The following CLCN2 variants were observed in gnomAD, a reference collection of about 807,000 sequenced individuals.
The protein encoded by CLCN2 is chloride channel protein 2.
CLCN2 carries 72 observed loss-of-function variants against 108.3 expected under a neutral mutation model. That is an observed-to-expected ratio of 0.66 (90% confidence interval 0.55 to 0.81). CLCN2 has a LOEUF of 0.81. CLCN2 is among the 30% of genes least tolerant of loss of function. The pLI, the probability that CLCN2 is intolerant of heterozygous loss-of-function variation, is 0.00. For missense variants in CLCN2, 1,048 were observed against 1,205.2 expected (o/e 0.87, Z 1.93); for synonymous variants, 471 against 467.1 (o/e 1.01, Z -0.11).
chr3:184,357,214 G>A lies in CLCN2; in HGVS notation c.951C>T (p.Asp317=), dbSNP rs1408569907. ...CAGCAAAGGCTGGCAGCTCCTGCAG[G>A]TCAAAGGGGAAGTCGAGCCGGAATC... ...KTRFRLDFPF[D]LQELPAFAVI... The change falls in exon 9 of 24, where the codon GAC becomes GAT. Residue 317 remains aspartate, a synonymous_variant. Transcript: ENST00000265593. The A allele has an allele frequency of 1.2e-6, 2 of 1,614,014 alleles. No individual in the cohort carries two copies. The highest frequency in any genetic ancestry group is 2.2e-5 in the South Asian group (2 of 91,078).
In CLCN2 at chr3:184,352,013, C is replaced by T; in HGVS notation, c.2415G>A (p.Lys805=). The change falls in exon 22 of 24, where the codon AAG becomes AAA. Residue 805 remains lysine, a splice_region_variant and synonymous_variant. Coordinates refer to ENST00000265593, the MANE Select transcript of CLCN2 (RefSeq NM_004366.6). ...FQLVERTSLH[K]THTIFSLLGV... is the part of the protein sequence containing the mutation. Reference sequence around the variant, plus strand: ...CCCTGGGCCAGGCTGCTGGCCCTACCTTGTGCAAAGAGGTCCGCTCCACCA... The same window carrying T: ...CCCTGGGCCAGGCTGCTGGCCCTACTTTGTGCAAAGAGGTCCGCTCCACCA... 1 of 1,612,476 alleles carries T rather than the reference C, an allele frequency of 6.2e-7. No homozygotes were observed.
At chr3:184,352,607 A>G (rs1406593663) in intron 19 of CLCN2, 111 bp from the exon 20 acceptor site, 3 of 1,440,742 alleles carry the variant, frequency 2.1e-6, no homozygotes, top group Admixed American at 1.8e-5. Context: ...ACAGGACCTG[A>G]GCTGACAGCA....
chr3:184,358,998 C>G lies in CLCN2; in HGVS notation c.197G>C (p.Arg66Pro). The G allele has an allele frequency of 6.2e-7, 1 of 1,613,628 alleles. No homozygotes were observed. Among genetic ancestry groups the G allele is most frequent in the East Asian group, 2.2e-5 (1 of 44,886 alleles). The change falls in exon 2 of 24, where the codon CGG (arginine) becomes CCG (proline). Residue 66 changes from arginine (R) to proline (P), a missense_variant. By Grantham distance (103) the Arg-to-Pro change is moderately radical. Transcript: ENST00000265593. ...RAAPELLEYG[R>P]SRCARCRVCS... Reference sequence around the variant, plus strand: ...ACCGCGGCATCGGGCGCAACGGCTCCGTCCATATTCCAAGAGCTCTGGGGC... The same window carrying G: ...ACCGCGGCATCGGGCGCAACGGCTCGGTCCATATTCCAAGAGCTCTGGGGC...
intron 22 of CLCN2, 158 bp from the exon 23 acceptor site, chr3:184,347,179 C>T (rs563053794): frequency 2.7e-5 from 19 of 701,372 alleles, no homozygotes; most frequent in South Asian, 8.9e-5. Context: ...TAATAACAAT[C>T]GTAATAATAA....
rs762904870 is a variant in CLCN2, at chr3:184,346,987, T to C, written c.2450A>G (p.His817Arg). Residue 817 changes from histidine to arginine, a missense_variant, in exon 23 of 24, where the codon CAT becomes CGT. Coordinates refer to ENST00000265593, the MANE Select transcript of CLCN2 (RefSeq NM_004366.6). The surrounding 1 kb of genome is among the most constrained non-coding windows in gnomAD (Gnocchi z 6.0). ...HTIFSLLGVD[H>R]AYVTSIGRLI... ...TCTGCCAATACTGGTGACATAAGCA[T>C]GGTCCACTCCCAGCAGTGAGAAGAT... The C allele has an allele frequency of 3.1e-6, 5 of 1,614,080 alleles. No homozygotes were observed. The highest frequency in any genetic ancestry group is 2.5e-6 in the Non-Finnish European group (3 of 1,179,972).
At chr3:184,348,295 GTT>G (rs1423586888) in intron 22 of CLCN2, 2 of 152,138 alleles carry the variant, frequency 1.3e-5, no homozygotes, top group Admixed American at 1.3e-4. Context: ...GAGCCCAGGA[GTT>G]TGAGACTAGC....
In CLCN2 at chr3:184,352,273, A is replaced by G; in HGVS notation, c.2310+20T>C. 1.2e-6 allele frequency: 2 copies of G among 1,613,480 alleles called. No homozygotes were observed. Among genetic ancestry groups the G allele is most frequent in the Non-Finnish European group, 1.7e-6 (2 of 1,179,982 alleles). ...ACACAACCAGGAAGAAACAGGGTCCAGAGTCCAGTGGCACCTTACCTCTTC... is the reference window on the plus strand; with the variant it reads ...ACACAACCAGGAAGAAACAGGGTCCGGAGTCCAGTGGCACCTTACCTCTTC... On this transcript the variant is annotated intron_variant, in intron 21 of 23. Coordinates refer to ENST00000265593, the MANE Select transcript of CLCN2 (RefSeq NM_004366.6).
chr3:184,359,287 T>C (rs1169745104), intron 1 of CLCN2, among the ~76,000 whole-genome samples, 156 bp from the exon 2 acceptor site: 1 of 152,174 alleles, frequency 6.6e-6, no homozygotes, highest in African/African-American at 2.4e-5. Context: ...GTGGGAACAA[T>C]GCACATTGCA....
rs1728489893 is a variant in CLCN2, at chr3:184,355,609, G to A, written c.1171-80C>T. 1 of 1,603,544 alleles carries A rather than the reference G, an allele frequency of 6.2e-7. No homozygotes were observed. The highest frequency in any genetic ancestry group is 8.5e-7 in the Non-Finnish European group (1 of 1,170,612). On this transcript the variant is annotated intron_variant, in intron 11 of 23. Coordinates refer to ENST00000265593, the MANE Select transcript of CLCN2 (RefSeq NM_004366.6). The surrounding 1 kb of genome is among the most constrained non-coding windows in gnomAD (Gnocchi z 6.3). ...CCATGGGATCCCACGGGGAACAAGG[G>A]GTCCCACAGTCACACTGGGGCTGTT...
intron 14 of CLCN2, 63 bp downstream of exon 14, chr3:184,354,485 G>C (rs1461668853): frequency 1.8e-5 from 25 of 1,383,678 alleles, no homozygotes; most frequent in Non-Finnish European, 2.5e-5. Flanking sequence ...CAGAGTCTCG[G>C]ACCCTGTGGC....
At position 184,346,380 on chromosome 3, in the gene CLCN2, G is replaced by A. The variant is rs1727667311; in HGVS notation, c.*226C>T. 1 of 607,460 alleles carries A rather than the reference G, an allele frequency of 1.6e-6. No homozygotes were observed. The highest frequency in any genetic ancestry group is 3.0e-6 in the Non-Finnish European group (1 of 337,288). 37.6% of individuals were successfully genotyped at this position (607,460 alleles called of 1,614,324 possible). A position where few individuals can be genotyped will look rare whatever the true frequency, so the allele number is the denominator to read the frequency against. ...CAAGTGACCCCAACCCATCCTGCCA[G>A]GGCAGGGCCTATCTTCCTGCCTCTG... On this transcript the variant is annotated 3_prime_UTR_variant, in exon 24 of 24. Transcript: ENST00000265593. The surrounding 1 kb of genome is among the most constrained non-coding windows in gnomAD (Gnocchi z 6.0).
chr3:184,353,802 G>C lies in CLCN2; in HGVS notation c.1722-7C>G, dbSNP rs1266317052. The C allele has an allele frequency of 4.4e-6, 7 of 1,603,254 alleles. No individual in the cohort carries two copies. The highest frequency in any genetic ancestry group is 5.1e-6 in the Non-Finnish European group (6 of 1,175,770). ...CACACGCACCCGGTACTGCCTGGGGGCCGAGAGAGGCGCTTGGTTTGTGGT... is the reference window on the plus strand; with the variant it reads ...CACACGCACCCGGTACTGCCTGGGGCCCGAGAGAGGCGCTTGGTTTGTGGT... On this transcript the variant is annotated splice_region_variant and splice_polypyrimidine_tract_variant and intron_variant, in intron 15 of 23. Transcript: ENST00000265593.
In CLCN2 at chr3:184,346,792, C is replaced by G. The variant is rs749671403; in HGVS notation, c.2511G>C (p.Lys837Asn). 5.6e-6 allele frequency: 9 copies of G among 1,613,968 alleles called. No homozygotes were observed. The highest frequency in any genetic ancestry group is 1.3e-5 in the African/African-American group (1 of 74,932). Residue 837 changes from lysine (K) to asparagine (N), a missense_variant, in exon 24 of 24, where the codon AAG becomes AAC. Coordinates refer to ENST00000265593, the MANE Select transcript of CLCN2 (RefSeq NM_004366.6). This position sits in a 1 kb window ranked among gnomAD's most constrained non-coding sequence, Gnocchi z 6.0. ...IGIVTLKELR[K>N]AIEGSVTAQG... ...GTGCTGTGACAGAGCCCTCGATGGC[C>G]TTCCGGAGCTGGAAAGGTGAGAGGG...
At position 184,357,814 on chromosome 3, in the gene CLCN2, T is replaced by C. The variant is rs753502249; in HGVS notation, c.658A>G (p.Ser220Gly). ...HIASMCAALL[S>G]KFLSLFGGIY... is the part of the protein sequence containing the mutation. ...CCCCCAAAGAGGGAGAGGAACTTGC[T>C]GAGAAGGGCAGCACACATGCTTGCG... The change falls in exon 6 of 24, where the codon AGC (serine) becomes GGC (glycine). Residue 220 changes from serine to glycine, a missense_variant. Transcript: ENST00000265593. The C allele has an allele frequency of 6.2e-7, 1 of 1,613,922 alleles. No homozygotes were observed. Among genetic ancestry groups the C allele is most frequent in the South Asian group, 1.1e-5 (1 of 91,078 alleles).
chr3:184,346,807 A>G lies in CLCN2; in HGVS notation c.2503-7T>C. The G allele has an allele frequency of 6.2e-7, 1 of 1,614,080 alleles. No homozygotes were observed. The highest frequency in any genetic ancestry group is 1.3e-5 in the African/African-American group (1 of 75,060). ...CCTCGATGGCCTTCCGGAGCTGGAA[A>G]GGTGAGAGGGACAGATGTCTGGACC... On this transcript the variant is annotated splice_polypyrimidine_tract_variant and splice_region_variant and intron_variant, in intron 23 of 23. Transcript: ENST00000265593. This position sits in a 1 kb window ranked among gnomAD's most constrained non-coding sequence, Gnocchi z 6.0.
Position 184,354,099 on chromosome 3 carries a change from A to G in CLCN2, c.1721+2T>C. The G allele has an allele frequency of 1.2e-6, 2 of 1,611,076 alleles. No individual in the cohort carries two copies. On this transcript the variant is annotated splice_donor_variant, in intron 15 of 23. Transcript: ENST00000265593. LOFTEE classifies it high-confidence loss of function. Reference sequence around the variant, plus strand: ...GCCCCCTTGGCACCCAGCCCTCCGTACTGGTGGCGGCCCCAGCCGAGCTCA... The same window carrying G: ...GCCCCCTTGGCACCCAGCCCTCCGTGCTGGTGGCGGCCCCAGCCGAGCTCA...
chr3:184,353,534 G>GC (rs1728296164), intron 16 of CLCN2, 112 bp from the exon 17 acceptor site: 2 of 1,543,722 alleles, frequency 1.3e-6, no homozygotes, highest in Non-Finnish European at 1.8e-6. Flanking sequence ...CCAGAGGGAA[G>GC]CCCCCACCTG....
Position 184,357,495 on chromosome 3 carries a change from G to T in CLCN2, c.773-8C>A. The stretch of plus-strand genomic sequence containing the variant: ...CGATGCTGAAGAGGACGCCTGTGAG[G>T]GGGAGGGAGACCAGCACTTGAGGCC... On this transcript the variant is annotated splice_region_variant and splice_polypyrimidine_tract_variant and intron_variant, in intron 7 of 23. Transcript: ENST00000265593. 8 of 1,614,170 alleles carry T rather than the reference G, an allele frequency of 5.0e-6. No individual in the cohort carries two copies. The highest frequency in any genetic ancestry group is 5.1e-6 in the Non-Finnish European group (6 of 1,180,032).
Position 184,353,090 on chromosome 3 carries a change from T to C in CLCN2, c.2086A>G (p.Lys696Glu). Reference sequence around the variant, plus strand: ...CTGGGCCCCCTCTTGAGTGCAGGCTTTAGGGGCTTGTGGGTCTCCCCCCGG... The same window carrying C: ...CTGGGCCCCCTCTTGAGTGCAGGCTCTAGGGGCTTGTGGGTCTCCCCCCGG... ...AARGETHKPL[K>E]PALKRGPSVT... is the part of the protein sequence containing the mutation. The change falls in exon 18 of 24, where the codon AAG (lysine) becomes GAG (glutamate). Residue 696 changes from lysine (K) to glutamate (E), a missense_variant. Transcript: ENST00000265593. The C allele has an allele frequency of 6.2e-7, 1 of 1,614,152 alleles. No individual in the cohort carries two copies. Among genetic ancestry groups the C allele is most frequent in the Non-Finnish European group, 8.5e-7 (1 of 1,180,006 alleles).
Sources: allele counts gnomAD v4.1 joint callset (sites outside exome capture counted in the v4.1 genomes callset), GRCh38; gene constraint gnomAD v4.1.1; non-coding constraint Gnocchi (gnomAD v3.1); transcripts MANE v1.5; gene names NCBI Gene and HGNC (gene_info 2026-07-23, HGNC 2026-07-21).